Variants in PSD3 observed in about 807,000 individuals in gnomAD.
The protein encoded by PSD3 is pleckstrin and Sec7 domain containing 3.
A neutral mutation model predicts 105.5 loss-of-function variants in PSD3; 49 were observed. The observed-to-expected ratio is 0.46, with a 90% CI of 0.37 to 0.59. The LOEUF (loss-of-function observed/expected upper bound fraction) is 0.59. Among genes scored for constraint, PSD3 ranks in the 20% least tolerant of loss-of-function variants. The pLI is 0.00. For synonymous variants in PSD3, 557 were observed against 457.8 expected, an observed-to-expected ratio of 1.22 and a Z score of -2.77; for missense variants, 1,561 against 1,263.8, an observed-to-expected ratio of 1.24 and a Z score of -3.57.
chr8:19,055,193 G>A (rs947581718), intron 1 of PSD3, among the ~76,000 whole-genome samples: 1 of 152,156 alleles, frequency 6.6e-6, no homozygotes, highest in Middle Eastern at 3.2e-3. Context: ...GCTTAATTTA[G>A]GATGGTTACC....
chr8:18,809,410 G>T (rs1488244984), intron 4 of PSD3, among the ~76,000 whole-genome samples: 1 of 152,060 alleles, frequency 6.6e-6, no homozygotes, highest in South Asian at 2.1e-4. Flanking sequence ...TCAAATGAAG[G>T]ACCAGATCAT....
intron 15 of PSD3, among the ~76,000 whole-genome samples, chr8:18,546,124 T>C (rs1386461854): frequency 6.6e-6 from 1 of 152,084 alleles, no homozygotes; most frequent in African/African-American, 2.4e-5. Context: ...CCTCAGCAAG[T>C]AGATGGGATT....
At chr8:18,578,906 T>TA (rs750152394) in intron 12 of PSD3, among the ~76,000 whole-genome samples, 15 of 152,076 alleles carry the variant, frequency 9.9e-5, no homozygotes, top group Non-Finnish European at 2.1e-4. Context: ...GAGAACACTA[T>TA]ATACGGCATC....
intron 2 of PSD3, among the ~76,000 whole-genome samples, chr8:18,919,179 G>A (rs371474076): frequency 3.9e-5 from 6 of 152,106 alleles, no homozygotes; most frequent in East Asian, 1.9e-4. Flanking sequence ...GATCTCTTCC[G>A]GGGCTTCAGC....
intron 12 of PSD3, among the ~76,000 whole-genome samples, chr8:18,592,195 G>A (rs1484761986): frequency 2.0e-5 from 3 of 152,038 alleles, no homozygotes; most frequent in Non-Finnish European, 4.4e-5. Context: ...AAATATTTAA[G>A]GGAACTAAAT....
At chr8:18,689,406 C>T (rs377596087) in intron 9 of PSD3, among the ~76,000 whole-genome samples, 12 of 152,144 alleles carry the variant, frequency 7.9e-5, no homozygotes, top group African/African-American at 2.4e-4. Flanking sequence ...GAAAATCTCA[C>T]AGAACCATTA....
At chr8:18,746,750 T>C (rs1805061652) in intron 9 of PSD3, among the ~76,000 whole-genome samples, 1 of 152,254 alleles carries the variant, frequency 6.6e-6, no homozygotes, top group Non-Finnish European at 1.5e-5. Flanking sequence ...TTAGTGTAAA[T>C]TACAAAATAC....
chr8:18,968,118 C>G (rs941368273), intron 1 of PSD3, among the ~76,000 whole-genome samples: 6 of 152,098 alleles, frequency 3.9e-5, no homozygotes, highest in Non-Finnish European at 7.4e-5. Context: ...TTCTATAGTT[C>G]CTGAAATTGC....
At chr8:18,874,828 C>T (rs1216349999) in intron 2 of PSD3, among the ~76,000 whole-genome samples, 4 of 151,848 alleles carry the variant, frequency 2.6e-5, no homozygotes, top group Admixed American at 1.3e-4. Flanking sequence ...ATTGAACACA[C>T]GGTATCCCCC....
intron 1 of PSD3, among the ~76,000 whole-genome samples, chr8:19,024,387 T>A (rs1827471859): frequency 1.3e-5 from 2 of 152,182 alleles, no homozygotes; most frequent in African/African-American, 4.8e-5. Context: ...TGAAGGGAGA[T>A]AATGAAGACC....
At chr8:18,922,263 G>A (rs1330100396) in intron 2 of PSD3, among the ~76,000 whole-genome samples, 2 of 152,128 alleles carry the variant, frequency 1.3e-5, no homozygotes, top group Non-Finnish European at 2.9e-5. Flanking sequence ...AACCCAAAGA[G>A]TTCTGTAAGT....
intron 9 of PSD3, among the ~76,000 whole-genome samples, chr8:18,744,877 G>C (rs961197434): frequency 5.3e-5 from 8 of 152,190 alleles, no homozygotes; most frequent in African/African-American, 1.9e-4. Flanking sequence ...TTTGGTGACA[G>C]TTCTTCAGTA....
At position 18,871,750 on chromosome 8, in the gene PSD3, G is replaced by T; in HGVS notation, c.1114C>A (p.Pro372Thr). The T allele has an allele frequency of 6.2e-7, 1 of 1,614,168 alleles. No homozygotes were observed. Among genetic ancestry groups the T allele is most frequent in the African/African-American group, 1.3e-5 (1 of 75,042 alleles). ...GAAAATGTCCCCGAGCTAGTGCCAG[G>T]CCTCTCTGAAGGAGCTTTCCAGGAT... Reference protein sequence around the residue: ...DESWKAPSERPGTSSGTFSPV... With the variant: ...DESWKAPSERTGTSSGTFSPV... The change falls in exon 3 of 16, where the codon CCT becomes ACT. Residue 372 changes from proline to threonine, a missense_variant. Physicochemically the swap from Pro to Thr is conservative, Grantham distance 38. Coordinates refer to ENST00000327040, the MANE Select transcript of PSD3 (RefSeq NM_015310.4).
At chr8:18,877,350 G>A (rs1182381913) in intron 2 of PSD3, among the ~76,000 whole-genome samples, 1 of 152,100 alleles carries the variant, frequency 6.6e-6, no homozygotes, top group Admixed American at 6.5e-5. Context: ...TACATGATGT[G>A]AAGTAGAAAT....
At chr8:18,823,750 A>G (rs1270690769) in intron 4 of PSD3, among the ~76,000 whole-genome samples, 1 of 149,508 alleles carries the variant, frequency 6.7e-6, no homozygotes. Flanking sequence ...TCTCCTTACA[A>G]TTACACATGG....
intron 9 of PSD3, chr8:18,733,812 G>C (rs548696797): frequency 6.6e-6 from 1 of 152,618 alleles, no homozygotes; most frequent in Non-Finnish European, 1.5e-5. Context: ...CAATGTAGTA[G>C]AAAGGCTTTG....
chr8:18,737,783 T>C (rs928192806), intron 9 of PSD3, among the ~76,000 whole-genome samples: 4 of 152,196 alleles, frequency 2.6e-5, no homozygotes, highest in Non-Finnish European at 2.9e-5. Context: ...ATTATTTCAC[T>C]GAACTTCAGT....
intron 14 of PSD3, among the ~76,000 whole-genome samples, chr8:18,557,692 A>C (rs570125706): frequency 2.0e-5 from 3 of 152,356 alleles, no homozygotes; most frequent in African/African-American, 7.2e-5. Context: ...AAGAAGTCCC[A>C]GAAAAGGACG....
chr8:18,782,930 G>C (rs1044347671), intron 8 of PSD3, among the ~76,000 whole-genome samples: 1 of 152,174 alleles, frequency 6.6e-6, no homozygotes, highest in Non-Finnish European at 1.5e-5. Flanking sequence ...GTTGAATTAG[G>C]TTTGTTTTAG....
Sources: gnomAD v4.1 joint callset for allele counts (sites outside exome capture counted in the v4.1 genomes callset) on GRCh38, gnomAD v4.1.1 for gene constraint, MANE v1.5 for transcripts, NCBI Gene and HGNC (gene_info 2026-07-23, HGNC 2026-07-21) for gene names.